MGAT4C: variants seen among roughly 807,000 people sequenced by gnomAD.
The protein encoded by MGAT4C is alpha-1,3-mannosyl-glycoprotein 4-beta-N-acetylglucosaminyltransferase C.
Under a neutral mutation model 40.1 loss-of-function variants are expected in MGAT4C, and 19 were observed. That is an observed-to-expected ratio of 0.47 (90% CI 0.33 to 0.70). The LOEUF (loss-of-function observed/expected upper bound fraction) is 0.70, where lower values mean the gene tolerates loss of function less well. Among genes scored for constraint, MGAT4C ranks in the 30% least tolerant of loss-of-function variants. MGAT4C has a pLI of 0.02. For synonymous variants in MGAT4C, 181 were observed against 187.1 expected (o/e 0.97, Z 0.27); for missense variants, 491 against 563.2 (o/e 0.87, Z 1.30).
chr12:86,325,889 A>T (rs1241637473), intron 4 of MGAT4C, among the ~76,000 whole-genome samples: 1 of 152,110 alleles, frequency 6.6e-6, no homozygotes, highest in Non-Finnish European at 1.5e-5. Context: ...AAAAGAAAAA[A>T]AAAAATAATA....
intron 2 of MGAT4C, among the ~76,000 whole-genome samples, chr12:86,495,973 C>G (rs1293912809): frequency 6.6e-6 from 1 of 151,922 alleles, no homozygotes; most frequent in African/African-American, 2.4e-5. Context: ...ACATTCCTGC[C>G]CCGCTATATA....
At chr12:86,838,127 T>A (rs1953077510) in intron 1 of MGAT4C, among the ~76,000 whole-genome samples, 1 of 152,196 alleles carries the variant, frequency 6.6e-6, no homozygotes, top group African/African-American at 2.4e-5. Context: ...AGGCAAACAA[T>A]TATATCTACA....
intron 4 of MGAT4C, among the ~76,000 whole-genome samples, chr12:86,302,327 T>G (rs1173690655): frequency 6.6e-6 from 1 of 150,862 alleles, no homozygotes; most frequent in Non-Finnish European, 1.5e-5. Context: ...TTGCCTCTAT[T>G]GTACAAGAAT....
intron 2 of MGAT4C, among the ~76,000 whole-genome samples, chr12:86,682,344 T>C (rs748142170): frequency 6.6e-6 from 1 of 152,056 alleles, no homozygotes; most frequent in Non-Finnish European, 1.5e-5. Flanking sequence ...AGAGGTAACA[T>C]GTTTAAGAAA....
chr12:86,445,876 TG>T (rs1425375334), intron 2 of MGAT4C, among the ~76,000 whole-genome samples: 1 of 152,164 alleles, frequency 6.6e-6, no homozygotes. Flanking sequence ...TGATTATCTT[TG>T]GGGTAGACTG....
At position 86,611,285 on chromosome 12, in the gene MGAT4C, G is replaced by A. The variant is rs143406994; in HGVS notation, c.-229+115924C>T. ...TTGTGCACCTTCCCTGAAGCCTGCT[G>A]TTCTGGAATCTCTACAGCAGATACG... On this transcript the variant is annotated intron_variant, in intron 2 of 7. Transcript: ENST00000548651. Among the ~76,000 whole-genome samples, 516 of 152,086 alleles carry A rather than the reference G, an allele frequency of 3.4e-3. 3 individuals carry two copies. The highest frequency in any genetic ancestry group is 5.8e-3 in the Admixed American group (88 of 15,266).
At chr12:86,021,804 G>T (rs909651021) in intron 2 of MGAT4C, among the ~76,000 whole-genome samples, 1 of 152,044 alleles carries the variant, frequency 6.6e-6, no homozygotes, top group Admixed American at 6.6e-5. Context: ...AAGCATTTAT[G>T]TACAACCACT....
intron 2 of MGAT4C, among the ~76,000 whole-genome samples, chr12:86,043,545 A>T (rs1892083385): frequency 6.6e-6 from 1 of 152,202 alleles, no homozygotes; most frequent in South Asian, 2.1e-4. Flanking sequence ...GCAGCTGATT[A>T]GACTGTGCCC....
At chr12:86,684,901 ATTTG>A (rs1432860687) in intron 2 of MGAT4C, among the ~76,000 whole-genome samples, 1 of 151,640 alleles carries the variant, frequency 6.6e-6, no homozygotes, top group Non-Finnish European at 1.5e-5. Flanking sequence ...TTTCTGGTGA[ATTTG>A]TTTAAGTTCC....
chr12:86,247,354 C>G (rs1008068252), intron 1 of MGAT4C, among the ~76,000 whole-genome samples: 1 of 152,160 alleles, frequency 6.6e-6, no homozygotes, highest in Non-Finnish European at 1.5e-5. Context: ...TTACTCACAC[C>G]ATTTATTCAC....
Position 86,284,287 on chromosome 12 carries a change from T to A in MGAT4C, c.-57+49778A>T, listed in dbSNP as rs1420510803. Among the ~76,000 whole-genome samples, 6 of 151,946 alleles carry A rather than the reference T, an allele frequency of 3.9e-5. No homozygotes were observed. In the East Asian group the frequency reaches 1.2e-3, roughly 29 times the overall value. ...TCTGAGATGAATGTTTATATATATA[T>A]AAATATATACTAAATGCACATTTTT... On this transcript the variant is annotated intron_variant, in intron 4 of 7. Coordinates refer to the MGAT4C transcript ENST00000548651.
chr12:86,318,857 T>C (rs763903064), intron 4 of MGAT4C, among the ~76,000 whole-genome samples: 1 of 152,194 alleles, frequency 6.6e-6, no homozygotes, highest in Non-Finnish European at 1.5e-5. Context: ...CTGTTCTTTA[T>C]CACTCTCAAG....
chr12:86,686,438 T>G, intron 2 of MGAT4C, among the ~76,000 whole-genome samples: 1 of 152,148 alleles, frequency 6.6e-6, no homozygotes, highest in East Asian at 1.9e-4. Flanking sequence ...CTCCTTCCAG[T>G]TTTTGCCCAT....
chr12:86,302,978 G>A (rs945784230), intron 4 of MGAT4C, among the ~76,000 whole-genome samples: 7 of 150,520 alleles, frequency 4.7e-5, no homozygotes, highest in Non-Finnish European at 1.0e-4. Context: ...AACTCTTCCC[G>A]CACATTTTGT....
intron 2 of MGAT4C, chr12:86,011,730 A>T: frequency 1.8e-6 from 1 of 559,786 alleles, no homozygotes; most frequent in African/African-American, 2.0e-5. Flanking sequence ...AAAGTATGTT[A>T]ATATAATTTG....
At chr12:86,764,353 C>G (rs1326021604) in intron 1 of MGAT4C, among the ~76,000 whole-genome samples, 1 of 152,156 alleles carries the variant, frequency 6.6e-6, no homozygotes, top group Non-Finnish European at 1.5e-5. Flanking sequence ...GTAAACAAAG[C>G]AGCTGGGAAG....
intron 2 of MGAT4C, among the ~76,000 whole-genome samples, chr12:86,462,668 A>G (rs1395689738): frequency 1.3e-5 from 2 of 152,186 alleles, no homozygotes; most frequent in East Asian, 3.9e-4. Flanking sequence ...CCTTCAGTCT[A>G]TAGCTGAAGG....
intron 4 of MGAT4C, among the ~76,000 whole-genome samples, chr12:86,312,661 CTA>C (rs1021438057): frequency 6.6e-6 from 1 of 151,612 alleles, no homozygotes; most frequent in African/African-American, 2.4e-5. Flanking sequence ...TTATGAAAAC[CTA>C]TATATATATA....
chr12:85,956,412 G>A lies in MGAT4C; in HGVS notation c.*22877C>T, dbSNP rs1882797157. 2 of 152,130 alleles carry A rather than the reference G, an allele frequency of 1.3e-5. No individual in the cohort carries two copies. The highest frequency in any genetic ancestry group is 4.1e-4 in the South Asian group (2 of 4,824). 9.4% of individuals were successfully genotyped at this position (152,130 alleles called of 1,614,324 possible). On this transcript the variant is annotated 3_prime_UTR_variant, in exon 5 of 5. Coordinates refer to ENST00000611864, the MANE Select transcript of MGAT4C (RefSeq NM_001351288.2). ...AACTTCGGTGTTTTGTTTGTCCTTA[G>A]ACAATAGAGATAATATATTCATTAT...
Sources: gnomAD v4.1 joint callset for allele counts (sites outside exome capture counted in the v4.1 genomes callset) on GRCh38, gnomAD v4.1.1 for gene constraint, MANE v1.5 for transcripts, NCBI Gene and HGNC (gene_info 2026-07-23, HGNC 2026-07-21) for gene names.